CPQ: variants seen among roughly 807,000 people sequenced by gnomAD.
The protein encoded by CPQ is carboxypeptidase Q.
A neutral mutation model predicts 45.7 loss-of-function variants in CPQ; 37 were observed. The ratio of observed to expected loss-of-function variants is 0.81; its 90% CI spans 0.62 to 1.07. The LOEUF is 1.07. Ranked by LOEUF, CPQ falls within the 50% of genes least tolerant of loss-of-function variation. The pLI, the probability that CPQ is intolerant of heterozygous loss-of-function variation, is 0.00. For synonymous variants in CPQ, 186 were observed against 205.8 expected (o/e 0.90, Z 0.82); for missense variants, 537 against 572.9 (o/e 0.94, Z 0.64).
intron 3 of CPQ, among the ~76,000 whole-genome samples, chr8:96,847,462 A>G (rs1394458729): frequency 6.6e-6 from 1 of 152,184 alleles, no homozygotes; most frequent in African/African-American, 2.4e-5. Context: ...CATTACTATC[A>G]TCATTCTTTT....
intron 1 of CPQ, among the ~76,000 whole-genome samples, chr8:96,775,250 T>C (rs1259729682): frequency 6.6e-6 from 1 of 152,184 alleles, no homozygotes; most frequent in African/African-American, 2.4e-5. Flanking sequence ...AAATAATTTG[T>C]AATGCCTTCT....
At chr8:97,048,634 C>T (rs975584059) in intron 6 of CPQ, among the ~76,000 whole-genome samples, 8 of 152,146 alleles carry the variant, frequency 5.3e-5, no homozygotes, top group African/African-American at 1.7e-4. Context: ...CTGCACCTGC[C>T]AGAATGGATT....
intron 6 of CPQ, among the ~76,000 whole-genome samples, chr8:97,038,825 CAAAAAAA>C (rs35739621): frequency 0.037 from 3,411 of 92,008 alleles, 37 homozygotes; most frequent in Admixed American, 0.078. Flanking sequence ...ACCGTATTTA[CAAAAAAA>C]AAAAAAAAAA....
At chr8:96,929,051 T>G (rs1310120508) in intron 4 of CPQ, among the ~76,000 whole-genome samples, 3 of 152,244 alleles carry the variant, frequency 2.0e-5, no homozygotes, top group Admixed American at 2.0e-4. Flanking sequence ...ATTTTGCACA[T>G]GACTTTCTAA....
intron 2 of CPQ, among the ~76,000 whole-genome samples, chr8:96,806,860 C>A (rs1811086145): frequency 6.6e-6 from 1 of 152,062 alleles, no homozygotes; most frequent in South Asian, 2.1e-4. Flanking sequence ...TAAAAAATGA[C>A]AGCAAAAACA....
chr8:96,804,926 A>G (rs1277793371), intron 2 of CPQ, among the ~76,000 whole-genome samples: 1 of 151,594 alleles, frequency 6.6e-6, no homozygotes, highest in East Asian at 1.9e-4. Context: ...TTGTTTTCTG[A>G]TATGGTTTGG....
At chr8:96,676,273 C>A (rs1381318818) in intron 1 of CPQ, among the ~76,000 whole-genome samples, 1 of 152,048 alleles carries the variant, frequency 6.6e-6, no homozygotes. Flanking sequence ...GCCTCACACC[C>A]TTCCCAGTTT....
intron 5 of CPQ, among the ~76,000 whole-genome samples, chr8:97,021,529 A>G (rs999667019): frequency 6.6e-6 from 1 of 152,216 alleles, no homozygotes; most frequent in African/African-American, 2.4e-5. Context: ...TACAAAATTA[A>G]CGTACAGAAA....
intron 6 of CPQ, among the ~76,000 whole-genome samples, chr8:97,033,331 T>C (rs1809941100): frequency 6.6e-6 from 1 of 152,204 alleles, no homozygotes; most frequent in Admixed American, 6.5e-5. Context: ...ATGTACAGAC[T>C]TCAAGCTAAG....
chr8:96,847,754 T>C (rs1811715496), intron 3 of CPQ, among the ~76,000 whole-genome samples: 1 of 152,028 alleles, frequency 6.6e-6, no homozygotes, highest in Non-Finnish European at 1.5e-5. Context: ...CATACATAAT[T>C]GCTGTTAATT....
intron 5 of CPQ, among the ~76,000 whole-genome samples, chr8:97,008,646 A>T (rs1164092505): frequency 6.6e-6 from 1 of 152,132 alleles, no homozygotes; most frequent in Non-Finnish European, 1.5e-5. Context: ...CTATCAGGAG[A>T]ACCTGGCTTT....
intron 1 of CPQ, among the ~76,000 whole-genome samples, chr8:96,647,094 T>C (rs1815527619): frequency 6.6e-6 from 1 of 152,252 alleles, no homozygotes; most frequent in Non-Finnish European, 1.5e-5. Flanking sequence ...TTAGTTATCA[T>C]AGATCACATT....
At chr8:97,016,909 T>G (rs1037990633) in intron 5 of CPQ, among the ~76,000 whole-genome samples, 7 of 152,196 alleles carry the variant, frequency 4.6e-5, no homozygotes, top group Non-Finnish European at 1.0e-4. Context: ...AAGACTAGAT[T>G]GCAGCTGTCA....
intron 2 of CPQ, among the ~76,000 whole-genome samples, chr8:96,829,952 G>A (rs1811430754): frequency 6.6e-6 from 1 of 152,060 alleles, no homozygotes; most frequent in Non-Finnish European, 1.5e-5. Flanking sequence ...GATCTGTAAG[G>A]CATATTCTTC....
At chr8:96,900,856 T>C (rs1450876627) in intron 4 of CPQ, among the ~76,000 whole-genome samples, 1 of 152,200 alleles carries the variant, frequency 6.6e-6, no homozygotes, top group African/African-American at 2.4e-5. Context: ...GATAACATTT[T>C]CTTTCCTTTA....
chr8:96,835,838 T>C (rs1284285434), intron 3 of CPQ, among the ~76,000 whole-genome samples: 1 of 152,226 alleles, frequency 6.6e-6, no homozygotes, highest in East Asian at 1.9e-4. Flanking sequence ...AAGGTCCATA[T>C]AAATATTTGG....
At chr8:96,712,005 A>G (rs757104372) in intron 1 of CPQ, among the ~76,000 whole-genome samples, 4 of 152,236 alleles carry the variant, frequency 2.6e-5, no homozygotes, top group Non-Finnish European at 5.9e-5. Flanking sequence ...GGATACAGAC[A>G]TTGGGTAAAT....
At chr8:97,102,531 G>T (rs766489344) in intron 7 of CPQ, among the ~76,000 whole-genome samples, 154 of 152,286 alleles carry the variant, frequency 1.0e-3, no homozygotes, top group Non-Finnish European at 6.2e-4. Flanking sequence ...CAGTTTCAAG[G>T]ATTCAGATTT....
At chr8:97,065,650 T>C (rs1810623444) in intron 6 of CPQ, among the ~76,000 whole-genome samples, 1 of 152,224 alleles carries the variant, frequency 6.6e-6, no homozygotes, top group Non-Finnish European at 1.5e-5. Context: ...TGGAGATCCC[T>C]GCCACATAGG....
Sources: gnomAD v4.1 joint callset for allele counts (sites outside exome capture counted in the v4.1 genomes callset) on GRCh38, gnomAD v4.1.1 for gene constraint, MANE v1.5 for transcripts, NCBI Gene and HGNC (gene_info 2026-07-23, HGNC 2026-07-21) for gene names.